CEP83: variants seen among roughly 807,000 people sequenced by gnomAD.
The protein encoded by CEP83 is centrosomal protein 83.
In CEP83, 70 loss-of-function variants were observed where a neutral mutation model predicts 101.9. The ratio of observed to expected loss-of-function variants is 0.69; its 90% confidence interval spans 0.57 to 0.84. The LOEUF (loss-of-function observed/expected upper bound fraction) is 0.84, where lower values mean the gene tolerates loss of function less well. Among genes scored for constraint, CEP83 ranks in the 40% least tolerant of loss-of-function variants. CEP83 has a pLI of 0.00. For missense variants in CEP83, 715 were observed against 787.2 expected, an observed-to-expected ratio of 0.91 and a Z score of 1.10; for synonymous variants, 264 against 267.9, an observed-to-expected ratio of 0.99 and a Z score of 0.14.
downstream of CEP83, chr12:94,306,001 A>G (rs1001417095): frequency 1.3e-5 from 2 of 152,152 alleles, no homozygotes; most frequent in African/African-American, 4.8e-5. Context: ...TTAACCAGAT[A>G]CTTTGTCCTA....
rs139891583 is a variant in CEP83, at chr12:94,341,059, C to T, written c.1344-5395G>A. ...TGCTGTCATAACCAAAAGTTGACTACATATTCTATTATATTTAAACTCCTT... is the reference window on the plus strand; with the variant it reads ...TGCTGTCATAACCAAAAGTTGACTATATATTCTATTATATTTAAACTCCTT... On this transcript the variant is annotated intron_variant, in intron 11 of 16. Coordinates refer to ENST00000397809, the MANE Select transcript of CEP83 (RefSeq NM_016122.3). Among the ~76,000 whole-genome samples the T allele has an allele frequency of 2.6e-3, 395 of 152,310 alleles. 1 individual carries two copies. Among genetic ancestry groups the T allele is most frequent in the African/African-American group, 9.2e-3 (383 of 41,574 alleles).
At chr12:94,452,044 T>C (rs1002161643) in intron 1 of CEP83, among the ~76,000 whole-genome samples, 8 of 152,090 alleles carry the variant, frequency 5.3e-5, no homozygotes, top group African/African-American at 1.9e-4. Context: ...TTGATATACA[T>C]ACATTAAATA....
chr12:94,301,315 C>T, the CEP83 span, among the ~76,000 whole-genome samples: 5 of 152,142 alleles, frequency 3.3e-5, no homozygotes, highest in Non-Finnish European at 7.4e-5. Flanking sequence ...ACAAAGTATG[C>T]GTTTTGTTTC....
At chr12:94,345,837 G>A (rs1456353660) in intron 11 of CEP83, among the ~76,000 whole-genome samples, 2 of 152,074 alleles carry the variant, frequency 1.3e-5, no homozygotes, top group Admixed American at 6.5e-5. Context: ...ATTTCCATAC[G>A]ATTGTCCATT....
At chr12:94,331,312 A>G (rs2059199643) in intron 14 of CEP83, among the ~76,000 whole-genome samples, 1 of 145,890 alleles carries the variant, frequency 6.9e-6, no homozygotes, top group Non-Finnish European at 1.5e-5. Flanking sequence ...AAAAAAAAAA[A>G]AAAAGATTTA....
intron 2 of CEP83, among the ~76,000 whole-genome samples, chr12:94,417,044 T>C (rs1006046284): frequency 1.3e-5 from 2 of 152,092 alleles, no homozygotes; most frequent in Non-Finnish European, 2.9e-5. Context: ...CTAGGCACTA[T>C]GGCTTGTGAC....
intron 2 of CEP83, among the ~76,000 whole-genome samples, chr12:94,414,054 T>A (rs2064099799): frequency 6.6e-6 from 1 of 152,230 alleles, no homozygotes; most frequent in Non-Finnish European, 1.5e-5. Context: ...CTTTAAACTA[T>A]AATTGCAGTT....
At chr12:94,275,047 T>C in the CEP83 span, among the ~76,000 whole-genome samples, 3 of 152,194 alleles carry the variant, frequency 2.0e-5, no homozygotes, top group Admixed American at 2.0e-4. Flanking sequence ...GTTAGACGAC[T>C]TCCCTACATT....
At chr12:94,433,721 C>T (rs1479400509) in intron 2 of CEP83, among the ~76,000 whole-genome samples, 1 of 151,408 alleles carries the variant, frequency 6.6e-6, no homozygotes, top group Non-Finnish European at 1.5e-5. Context: ...AATTTGGGGG[C>T]AGCAAGAGCA....
At chr12:94,362,393 G>A (rs2060811049) in intron 11 of CEP83, among the ~76,000 whole-genome samples, 1 of 152,180 alleles carries the variant, frequency 6.6e-6, no homozygotes, top group Non-Finnish European at 1.5e-5. Flanking sequence ...GCCAAGGCAG[G>A]TGGATCACTT....
the CEP83 span, among the ~76,000 whole-genome samples, chr12:94,268,168 TAG>T: frequency 6.6e-6 from 1 of 152,204 alleles, no homozygotes; most frequent in Non-Finnish European, 1.5e-5. Context: ...GCACCTCATA[TAG>T]CAATCTAAAA....
intron 11 of CEP83, among the ~76,000 whole-genome samples, chr12:94,347,553 C>G (rs1244369312): frequency 3.9e-5 from 6 of 152,080 alleles, no homozygotes; most frequent in Admixed American, 3.9e-4. Context: ...AATCCCATTT[C>G]TAGGTATTTA....
intron 1 of CEP83, among the ~76,000 whole-genome samples, chr12:94,441,937 A>C (rs914529578): frequency 4.0e-5 from 6 of 150,132 alleles, no homozygotes; most frequent in Non-Finnish European, 5.9e-5. Context: ...AAAAAAAAAA[A>C]CTAAAAGTAG....
At chr12:94,277,701 C>T in the CEP83 span, 1 of 337,280 alleles carries the variant, frequency 3.0e-6, no homozygotes, top group East Asian at 8.2e-5. Flanking sequence ...GGCGTCCTAG[C>T]TGTCCAATGT....
chr12:94,353,855 T>G (rs1029744346), intron 11 of CEP83, among the ~76,000 whole-genome samples: 1 of 110,768 alleles, frequency 9.0e-6, no homozygotes, highest in Admixed American at 9.9e-5. Context: ...TAAAAAGAAC[T>G]GTAAAAAAAA....
chr12:94,294,512 CT>C, the CEP83 span: 1 of 1,318,156 alleles, frequency 7.6e-7, no homozygotes, highest in Non-Finnish European at 1.1e-6. Flanking sequence ...CTATAAAAGT[CT>C]TTAAGAAGAT....
chr12:94,434,809 T>C (rs1327944240), intron 2 of CEP83, among the ~76,000 whole-genome samples: 3 of 152,220 alleles, frequency 2.0e-5, no homozygotes, highest in African/African-American at 7.2e-5. Flanking sequence ...TATTTTTCCC[T>C]TGAAGGTGCT....
intron 8 of CEP83, among the ~76,000 whole-genome samples, chr12:94,374,182 T>C (rs538728410): frequency 3.9e-5 from 6 of 151,974 alleles, no homozygotes; most frequent in Admixed American, 2.0e-4. Context: ...TATATATATA[T>C]GGAAAAAAAG....
the CEP83 span, among the ~76,000 whole-genome samples, chr12:94,274,657 T>C: frequency 6.6e-6 from 1 of 152,354 alleles, no homozygotes; most frequent in South Asian, 2.1e-4. Context: ...CATGGGTATT[T>C]TCTGGGTATT....
Sources: gnomAD v4.1 joint callset for allele counts (sites outside exome capture counted in the v4.1 genomes callset) on GRCh38, gnomAD v4.1.1 for gene constraint, MANE v1.5 for transcripts, NCBI Gene and HGNC (gene_info 2026-07-23, HGNC 2026-07-21) for gene names.